The following GLMN variants were observed in gnomAD, a reference collection of about 807,000 sequenced individuals.
GLMN encodes the protein glomulin.
GLMN carries 75 observed loss-of-function variants against 87.8 expected under a neutral mutation model. The ratio of observed to expected loss-of-function variants is 0.85; its 90% CI spans 0.71 to 1.04. The LOEUF is 1.04. Ranked by LOEUF, GLMN falls within the 50% of genes least tolerant of loss-of-function variation. GLMN has a pLI of 0.00. For missense variants in GLMN, 588 were observed against 658.8 expected (o/e 0.89, Z 1.18); for synonymous variants, 206 against 221.6 (o/e 0.93, Z 0.63).
At chr1:92,305,160 C>A in the GLMN span, among the ~76,000 whole-genome samples, 1 of 149,994 alleles carries the variant, frequency 6.7e-6, no homozygotes, top group Non-Finnish European at 1.5e-5. Flanking sequence ...AGACCGGGCG[C>A]CCTGGCTCAA....
intron 7 of GLMN, among the ~76,000 whole-genome samples, chr1:92,283,307 G>A (rs145718305): frequency 1.6e-3 from 250 of 152,206 alleles, no homozygotes; most frequent in Middle Eastern, 0.014. Context: ...ATGCAAGGCC[G>A]GTTCAACATA....
chr1:92,334,477 T>G, the GLMN span, among the ~76,000 whole-genome samples: 1 of 152,262 alleles, frequency 6.6e-6, no homozygotes, highest in South Asian at 2.1e-4. Context: ...GCCTTTGTAT[T>G]TAGAGATAAA....
At chr1:92,338,321 G>GGCC in the GLMN span, among the ~76,000 whole-genome samples, 2 of 152,182 alleles carry the variant, frequency 1.3e-5, no homozygotes, top group African/African-American at 4.8e-5. Context: ...TCCTCAGATT[G>GGCC]GCCTTGGCCT....
chr1:92,265,139 C>A (rs1456465629), intron 13 of GLMN, among the ~76,000 whole-genome samples: 1 of 152,184 alleles, frequency 6.6e-6, no homozygotes, highest in Non-Finnish European at 1.5e-5. Context: ...CCACACCCGG[C>A]CGGTAAATAC....
intron 7 of GLMN, among the ~76,000 whole-genome samples, chr1:92,276,146 A>G (rs972243880): frequency 3.3e-5 from 5 of 152,110 alleles, no homozygotes; most frequent in Admixed American, 2.6e-4. Flanking sequence ...GGATCACTTG[A>G]GCCTGGGAGG....
At chr1:92,292,268 T>C (rs1228370069) in intron 3 of GLMN, among the ~76,000 whole-genome samples, 1 of 152,130 alleles carries the variant, frequency 6.6e-6, no homozygotes, top group Non-Finnish European at 1.5e-5. Flanking sequence ...AGCACGGTGG[T>C]TGGCTGGGTG....
chr1:92,289,659 T>C (rs1381925913), intron 5 of GLMN, among the ~76,000 whole-genome samples: 3 of 152,248 alleles, frequency 2.0e-5, no homozygotes, highest in African/African-American at 7.2e-5. Flanking sequence ...CTATGGATAC[T>C]GTCTGCCTTG....
chr1:92,250,214 C>T (rs1454707303), intron 16 of GLMN, among the ~76,000 whole-genome samples: 2 of 152,066 alleles, frequency 1.3e-5, no homozygotes, highest in Non-Finnish European at 2.9e-5. Context: ...AAAATAAATA[C>T]TAGATATGGC....
At chr1:92,328,076 T>A in the GLMN span, among the ~76,000 whole-genome samples, 47 of 152,366 alleles carry the variant, frequency 3.1e-4, no homozygotes, top group African/African-American at 1.1e-3. Flanking sequence ...TTTGCCTCAC[T>A]GCTCTTAAGA....
chr1:92,311,773 T>TA, the GLMN span, among the ~76,000 whole-genome samples: 1 of 152,238 alleles, frequency 6.6e-6, no homozygotes, highest in Non-Finnish European at 1.5e-5. Context: ...ATGCAAAAGT[T>TA]ATGTTTCCAC....
At chr1:92,332,679 T>TA in the GLMN span, among the ~76,000 whole-genome samples, 1 of 152,166 alleles carries the variant, frequency 6.6e-6, no homozygotes, top group African/African-American at 2.4e-5. Flanking sequence ...TTCCTATTCT[T>TA]ACTGTTATTC....
the GLMN span, among the ~76,000 whole-genome samples, chr1:92,317,749 A>T: frequency 6.6e-6 from 1 of 152,174 alleles, no homozygotes; most frequent in Non-Finnish European, 1.5e-5. Flanking sequence ...TGCCTACCTT[A>T]TGCTTTTTCC....
intron 9 of GLMN, 66 bp from the exon 10 acceptor site, chr1:92,268,201 G>A: frequency 2.3e-6 from 2 of 860,056 alleles, no homozygotes; most frequent in Non-Finnish European, 3.8e-6. Flanking sequence ...TTCATCTTAT[G>A]AAAAATACAG....
rs778151590 is a variant in GLMN, at chr1:92,268,166, T to C, written c.978-31A>G. 16 of 1,148,242 alleles carry C rather than the reference T, an allele frequency of 1.4e-5. 1 individual carries two copies. The South Asian group carries it at 1.8e-4, about 13-fold the overall frequency. The allele number at this position is 1,148,242 out of a possible 1,614,324, so 71.1% of individuals were successfully genotyped here. A position where few individuals can be genotyped will look rare whatever the true frequency, so the allele number is the denominator to read the frequency against. On this transcript the variant is annotated intron_variant, in intron 9 of 18. Transcript: ENST00000370360. ...AAATAATATTAAAATTTATCATGAA[T>C]TTGTAAACTATTTTAGAATGATACT...
intron 15 of GLMN, among the ~76,000 whole-genome samples, chr1:92,263,209 T>A (rs1015258950): frequency 6.6e-6 from 1 of 152,126 alleles, no homozygotes; most frequent in Non-Finnish European, 1.5e-5. Flanking sequence ...TTAAATGCTT[T>A]AAACCATTTC....
At chr1:92,258,719 C>T (rs1266480438) in intron 16 of GLMN, among the ~76,000 whole-genome samples, 1 of 152,072 alleles carries the variant, frequency 6.6e-6, no homozygotes, top group Non-Finnish European at 1.5e-5. Context: ...CACATGGACA[C>T]AGGATGGGGA....
At chr1:92,320,501 G>T in the GLMN span, 12 of 873,394 alleles carry the variant, frequency 1.4e-5, no homozygotes, top group Non-Finnish European at 2.3e-5. Context: ...TCAATCTCCT[G>T]ACCTCGAGAT....
At chr1:92,269,819 C>A in intron 8 of GLMN, 43 bp from the exon 9 acceptor site, 10 of 1,202,338 alleles carry the variant, frequency 8.3e-6, no homozygotes, top group Non-Finnish European at 1.2e-5. Flanking sequence ...TACACACACA[C>A]AGAGATATGT....
At chr1:92,357,146 A>G in the GLMN span, among the ~76,000 whole-genome samples, 1 of 151,876 alleles carries the variant, frequency 6.6e-6, no homozygotes, top group African/African-American at 2.4e-5. Context: ...GAGCAATGCT[A>G]TGAGTAAGAC....
Sources: allele counts gnomAD v4.1 joint callset (sites outside exome capture counted in the v4.1 genomes callset), GRCh38; gene constraint gnomAD v4.1.1; transcripts MANE v1.5; gene names NCBI Gene and HGNC (gene_info 2026-07-23, HGNC 2026-07-21).